ROR1: variants seen among roughly 807,000 people sequenced by gnomAD.
ROR1 encodes the protein inactive tyrosine-protein kinase transmembrane receptor ROR1.
In ROR1, 19 loss-of-function variants were observed where a neutral mutation model predicts 78.8. That is an observed-to-expected ratio of 0.24 (90% CI 0.17 to 0.35). The LOEUF (loss-of-function observed/expected upper bound fraction) is 0.35. Ranked by LOEUF, ROR1 falls within the 10% of genes least tolerant of loss-of-function variation. ROR1 has a pLI of 1.00. For synonymous variants in ROR1, 386 were observed against 433.6 expected (o/e 0.89, Z 1.36); for missense variants, 917 against 1,177.8 (o/e 0.78, Z 3.24).
At chr1:63,960,886 T>G (rs948477229) in intron 1 of ROR1, among the ~76,000 whole-genome samples, 2 of 152,194 alleles carry the variant, frequency 1.3e-5, no homozygotes, top group African/African-American at 4.8e-5. Flanking sequence ...GAAGTGGTAT[T>G]AGAGAATGTG....
chr1:64,177,910 C>G lies in ROR1; in HGVS notation c.1869C>G (p.Ile623Met), dbSNP rs917654975. Residue 623 changes from isoleucine to methionine, a missense_variant, in exon 9 of 9, where the codon ATC becomes ATG. This residue lies in a region of ROR1 where 835 missense variants were observed against 1,069.8 expected (regional missense o/e 0.78). Coordinates refer to ENST00000371079, the MANE Select transcript of ROR1 (RefSeq NM_005012.4). ...ACCTTGCAGCTCGCAATATTTTAAT[C>G]GGAGAGCAACTTCATGTAAAGATTT... ...HKDLAARNILIGEQLHVKISD... is the reference protein window; with the variant it reads ...HKDLAARNILMGEQLHVKISD... 2 of 1,614,044 alleles carry G rather than the reference C, an allele frequency of 1.2e-6. No homozygotes were observed. The highest frequency in any genetic ancestry group is 1.7e-6 in the Non-Finnish European group (2 of 1,180,046).
chr1:64,061,539 T>C (rs559070222), intron 4 of ROR1, among the ~76,000 whole-genome samples: 100 of 152,280 alleles, frequency 6.6e-4, no homozygotes, highest in African/African-American at 2.3e-3. Flanking sequence ...GGGTTGTTAT[T>C]AAAATGCAAA....
At chr1:64,045,149 A>C (rs542633941) in intron 2 of ROR1, among the ~76,000 whole-genome samples, 1 of 152,282 alleles carries the variant, frequency 6.6e-6, no homozygotes, top group East Asian at 1.9e-4. Flanking sequence ...CACCTATCGA[A>C]TTTTGGTGTA....
rs72686938 is a variant in ROR1 at position 64,173,867 on chromosome 1, G to A, written c.1387-3561G>A. On this transcript the variant is annotated intron_variant, in intron 8 of 8. Transcript: ENST00000371079. ...TCTGCTACCATCCACTCTTCCACAC[G>A]AGTTCTTGTTGCCTTCACCTTCATT... 5.6e-3 allele frequency among the ~76,000 whole-genome samples: 852 copies of A among 152,176 alleles called. 1 individual carries two copies. Among genetic ancestry groups the A allele is most frequent in the Non-Finnish European group, 9.5e-3 (649 of 68,006 alleles).
At position 64,005,417 on chromosome 1, in the gene ROR1, A is replaced by T. The variant is rs1570045991; in HGVS notation, c.92-3888A>T. ...TAAAATCTGGTGTGTATTTCCATTA[A>T]ATAGTCTACTGTCTTCTAAATGGCA... On this transcript the variant is annotated intron_variant, in intron 1 of 8. Transcript: ENST00000371079. Among the ~76,000 whole-genome samples, 3 of 152,362 alleles carry T rather than the reference A, an allele frequency of 2.0e-5. No individual in the cohort carries two copies. In the South Asian group the frequency reaches 6.2e-4, roughly 32 times the overall value.
At chr1:63,810,941 G>A (rs1644856596) in intron 1 of ROR1, among the ~76,000 whole-genome samples, 1 of 152,192 alleles carries the variant, frequency 6.6e-6, no homozygotes, top group African/African-American at 2.4e-5. Flanking sequence ...CAGAACTCCT[G>A]AATGTGGACC....
chr1:63,973,594 G>C (rs574548666), intron 1 of ROR1, among the ~76,000 whole-genome samples: 2 of 152,146 alleles, frequency 1.3e-5, no homozygotes, highest in South Asian at 4.1e-4. Flanking sequence ...CCTGCTTCAG[G>C]GACTAGTCAT....
intron 1 of ROR1, among the ~76,000 whole-genome samples, chr1:63,814,700 T>G (rs936878622): frequency 6.7e-4 from 102 of 152,190 alleles, no homozygotes; most frequent in African/African-American, 2.4e-3. Context: ...GGTTCGCTCC[T>G]ATGAGAATCT....
chr1:63,871,062 T>G (rs1363715651), intron 1 of ROR1, among the ~76,000 whole-genome samples: 1 of 152,226 alleles, frequency 6.6e-6, no homozygotes, highest in African/African-American at 2.4e-5. Flanking sequence ...ATAATGCACT[T>G]AGCACAACAC....
At chr1:63,932,282 GC>G (rs1248040435) in intron 1 of ROR1, among the ~76,000 whole-genome samples, 1 of 152,112 alleles carries the variant, frequency 6.6e-6, no homozygotes, top group Non-Finnish European at 1.5e-5. Flanking sequence ...GCCTATGGGG[GC>G]CCCAGCTGAG....
intron 4 of ROR1, among the ~76,000 whole-genome samples, chr1:64,088,254 A>G (rs887355345): frequency 6.6e-6 from 1 of 152,196 alleles, no homozygotes; most frequent in Non-Finnish European, 1.5e-5. Context: ...TAAAGGGATC[A>G]TGGATATTAT....
intron 7 of ROR1, chr1:64,143,026 T>C: frequency 9.2e-7 from 1 of 1,092,316 alleles, no homozygotes; most frequent in Admixed American, 4.7e-5. Context: ...CAGGAAGAAA[T>C]TGTTTTCTGT....
At position 64,076,382 on chromosome 1, in the gene ROR1, T is replaced by C. The variant is rs1001935794; in HGVS notation, c.482+25666T>C. On this transcript the variant is annotated intron_variant, in intron 4 of 8. Transcript: ENST00000371079. ...GGTCCTACAATGCCTTTGAAATCTT[T>C]ATGATCTGCACCTTCAGGGATTATA... Among the ~76,000 whole-genome samples, 26 of 152,332 alleles carry C rather than the reference T, an allele frequency of 1.7e-4. 1 individual carries two copies. Among genetic ancestry groups the C allele is most frequent in the Non-Finnish European group, 2.8e-4 (19 of 68,030 alleles).
At chr1:63,946,778 C>T (rs1243602636) in intron 1 of ROR1, among the ~76,000 whole-genome samples, 2 of 152,168 alleles carry the variant, frequency 1.3e-5, no homozygotes, top group Admixed American at 1.3e-4. Flanking sequence ...ATCCTTGCTT[C>T]CTCAAGGCAT....
intron 1 of ROR1, among the ~76,000 whole-genome samples, chr1:64,005,260 T>A (rs962080220): frequency 4.3e-4 from 65 of 152,052 alleles, no homozygotes; most frequent in African/African-American, 1.4e-3. Flanking sequence ...TGTACAGGAG[T>A]CTTTTGGTCC....
intron 7 of ROR1, among the ~76,000 whole-genome samples, chr1:64,157,457 T>C (rs1374845205): frequency 6.6e-6 from 1 of 152,130 alleles, no homozygotes. Flanking sequence ...GTATTATTTT[T>C]ATTCTACTCT....
intron 1 of ROR1, among the ~76,000 whole-genome samples, chr1:63,948,157 G>A (rs892829842): frequency 1.3e-5 from 2 of 152,080 alleles, no homozygotes; most frequent in African/African-American, 4.8e-5. Context: ...TTCTAGACCT[G>A]TGCAAGTTGA....
rs201438705 is a variant in ROR1 at position 64,140,445 on chromosome 1, C to T, written c.928+19C>T. 2 of 1,607,900 alleles carry T rather than the reference C, an allele frequency of 1.2e-6. No individual in the cohort carries two copies. ...AATAAAAGTAAGTGGTAGCCCCTGA[C>T]CTTCTGTGCTCTTCTAAGGGTCAGC... On this transcript the variant is annotated intron_variant, in intron 6 of 8. Transcript: ENST00000371079.
At chr1:64,135,092 T>A (rs1649059116) in intron 4 of ROR1, among the ~76,000 whole-genome samples, 2 of 152,070 alleles carry the variant, frequency 1.3e-5, no homozygotes, top group South Asian at 4.2e-4. Context: ...TTTTGGGGTT[T>A]TTTTGTGTTC....
Sources: gnomAD v4.1 joint callset for allele counts (sites outside exome capture counted in the v4.1 genomes callset) on GRCh38, gnomAD v4.1.1 for gene constraint, gnomAD v4.1.1 regional missense constraint, MANE v1.5 for transcripts, NCBI Gene and HGNC (gene_info 2026-07-23, HGNC 2026-07-21) for gene names.